The following OR10J1 variants were observed in gnomAD, a reference collection of about 807,000 sequenced individuals.
OR10J1 encodes the protein olfactory receptor family 10 subfamily J member 1, also known as olfactory receptor 10J1.
For synonymous variants in OR10J1, 202 were observed against 143.8 expected (o/e 1.40, Z -2.89); for missense variants, 474 against 376.6 (o/e 1.26, Z -2.14).
the OR10J1 span, chr1:159,432,744 G>T: frequency 2.5e-6 from 1 of 402,336 alleles, no homozygotes; most frequent in Non-Finnish European, 4.4e-6. Flanking sequence ...CTTCTTTTGT[G>T]ATATCCGGCC....
At chr1:159,426,291 C>A in the OR10J1 span, among the ~76,000 whole-genome samples, 1 of 151,750 alleles carries the variant, frequency 6.6e-6, no homozygotes, top group Non-Finnish European at 1.5e-5. Flanking sequence ...TAATCTACCA[C>A]TTCAATTTTT....
At chr1:159,399,675 A>G in the OR10J1 span, among the ~76,000 whole-genome samples, 1 of 152,004 alleles carries the variant, frequency 6.6e-6, no homozygotes, top group Admixed American at 6.6e-5. Context: ...AAAATAGAAA[A>G]TTTACTGGTA....
the OR10J1 span, among the ~76,000 whole-genome samples, chr1:159,401,536 C>T: frequency 1.3e-5 from 2 of 151,768 alleles, no homozygotes; most frequent in African/African-American, 2.4e-5. Flanking sequence ...ATACAACCTA[C>T]CAAGATTGAA....
the OR10J1 span, among the ~76,000 whole-genome samples, chr1:159,415,140 T>G: frequency 6.6e-6 from 1 of 152,120 alleles, no homozygotes; most frequent in Non-Finnish European, 1.5e-5. Flanking sequence ...CATAAATCTT[T>G]GCCTGCATCA....
chr1:159,422,057 A>T, the OR10J1 span, among the ~76,000 whole-genome samples: 1 of 152,112 alleles, frequency 6.6e-6, no homozygotes, highest in Non-Finnish European at 1.5e-5. Context: ...TGGCACATTC[A>T]TGTGATGCTA....
At chr1:159,411,900 C>T in the OR10J1 span, among the ~76,000 whole-genome samples, 1 of 151,940 alleles carries the variant, frequency 6.6e-6, no homozygotes, top group Non-Finnish European at 1.5e-5. Flanking sequence ...TCAAATTGTC[C>T]CTGTTTGCAG....
At chr1:159,413,998 A>G in the OR10J1 span, among the ~76,000 whole-genome samples, 2 of 151,992 alleles carry the variant, frequency 1.3e-5, no homozygotes, top group Middle Eastern at 3.2e-3. Context: ...TATGGGGTAC[A>G]TGTGAGTATT....
the OR10J1 span, among the ~76,000 whole-genome samples, chr1:159,409,716 CA>C: frequency 6.6e-6 from 1 of 152,012 alleles, no homozygotes; most frequent in Non-Finnish European, 1.5e-5. Context: ...ACAGCTTTTC[CA>C]ATTTTTTAAA....
chr1:159,429,468 C>A, the OR10J1 span, among the ~76,000 whole-genome samples: 5 of 152,164 alleles, frequency 3.3e-5, no homozygotes, highest in African/African-American at 9.7e-5. Context: ...CCCCATAATG[C>A]GATCATGAGG....
the OR10J1 span, among the ~76,000 whole-genome samples, chr1:159,399,277 T>A: frequency 3.3e-5 from 5 of 151,982 alleles, no homozygotes; most frequent in African/African-American, 4.8e-5. Context: ...AGGTCTGTCC[T>A]GTAAGAAATT....
the OR10J1 span, among the ~76,000 whole-genome samples, chr1:159,399,583 A>AAG: frequency 6.6e-6 from 1 of 150,480 alleles, no homozygotes; most frequent in Non-Finnish European, 1.5e-5. Context: ...AAAAAAAAAA[A>AAG]AAAAAAAAAA....
At chr1:159,402,974 C>G in the OR10J1 span, among the ~76,000 whole-genome samples, 4 of 151,922 alleles carry the variant, frequency 2.6e-5, no homozygotes, top group African/African-American at 9.7e-5. Context: ...ACAATGAACT[C>G]ATTTTAAACA....
At chr1:159,415,147 A>G in the OR10J1 span, among the ~76,000 whole-genome samples, 2 of 151,994 alleles carry the variant, frequency 1.3e-5, no homozygotes, top group Non-Finnish European at 1.5e-5. Context: ...CTTTGCCTGC[A>G]TCAGTATTCT....
chr1:159,433,245 A>G, upstream of OR10J1: 1 of 397,160 alleles, frequency 2.5e-6, no homozygotes, highest in Non-Finnish European at 4.4e-6. Flanking sequence ...TGGCTGATCT[A>G]GGCAGCATCT....
upstream of OR10J1, among the ~76,000 whole-genome samples, chr1:159,434,429 C>T (rs540834629): frequency 6.6e-6 from 1 of 152,252 alleles, no homozygotes; most frequent in East Asian, 1.9e-4. Context: ...TTATAATACA[C>T]TCCTTTTCAT....
At position 159,440,723 on chromosome 1, in the gene OR10J1, C is replaced by T. The variant is rs756584304; in HGVS notation, c.*2C>T. 2.2e-5 allele frequency: 35 copies of T among 1,606,644 alleles called. No individual in the cohort carries two copies. Among genetic ancestry groups the T allele is most frequent in the Non-Finnish European group, 2.6e-5 (31 of 1,174,880 alleles). The stretch of plus-strand genomic sequence containing the variant: ...GCTGTTGGTGGGAAGTTTTCCTGAC[C>T]ATGTAGGAAGAGTTCTCCTGAGGCT... On this transcript the variant is annotated 3_prime_UTR_variant, in exon 1 of 1. Transcript: ENST00000423932.
At chr1:159,403,048 G>A in the OR10J1 span, among the ~76,000 whole-genome samples, 1 of 151,956 alleles carries the variant, frequency 6.6e-6, no homozygotes, top group Non-Finnish European at 1.5e-5. Flanking sequence ...GGGAAAACTG[G>A]GTATACATAT....
At chr1:159,410,657 A>T in the OR10J1 span, among the ~76,000 whole-genome samples, 7 of 150,872 alleles carry the variant, frequency 4.6e-5, no homozygotes, top group Admixed American at 3.3e-4. Flanking sequence ...CAGCTCCTGG[A>T]TTCATTAATT....
the OR10J1 span, among the ~76,000 whole-genome samples, chr1:159,415,454 G>A: frequency 2.0e-5 from 3 of 152,030 alleles, no homozygotes; most frequent in Non-Finnish European, 1.5e-5. Flanking sequence ...CTAATACCAT[G>A]CTATTTTGGT....
Sources: gnomAD v4.1 joint callset for allele counts (sites outside exome capture counted in the v4.1 genomes callset) on GRCh38, gnomAD v4.1.1 for gene constraint, MANE v1.5 for transcripts, NCBI Gene and HGNC (gene_info 2026-07-23, HGNC 2026-07-21) for gene names.